The following PRB2 variants were observed in gnomAD, a reference collection of about 807,000 sequenced individuals.
PRB2 encodes the protein basic salivary proline-rich protein 2.
PRB2 carries 12 observed loss-of-function variants against 8.3 expected under a neutral mutation model. The ratio of observed to expected loss-of-function variants is 1.45; its 90% CI spans 0.93 to 2.35. PRB2 has a LOEUF of 2.35. Among genes scored for constraint, PRB2 ranks in the 30% most tolerant of loss-of-function variants. The probability of loss-of-function intolerance (pLI) is 0.00; values close to 1 mark genes in which losing one functional copy is unlikely to be tolerated. For synonymous variants in PRB2, 146 were observed against 180.0 expected, an observed-to-expected ratio of 0.81 and a Z score of 1.51; for missense variants, 470 against 507.0, an observed-to-expected ratio of 0.93 and a Z score of 0.70.
intron 2 of PRB2, 26 bp from the exon 3 acceptor site, chr12:11,394,003 G>C: frequency 1.2e-6 from 2 of 1,613,906 alleles, no homozygotes; most frequent in East Asian, 4.5e-5. Context: ...AGAAGAGAAA[G>C]ACAGAGTAAA....
rs1197455637 is a variant in PRB2 at position 11,392,658 on chromosome 12, T to C, written c.*33+136A>G. ...AGGATCTTGTTACCCATTTCCAGAATATGTCAATACAAATCTTTAGAAATG... is the reference window on the plus strand; with the variant it reads ...AGGATCTTGTTACCCATTTCCAGAACATGTCAATACAAATCTTTAGAAATG... On this transcript the variant is annotated intron_variant, in intron 3 of 3. Coordinates refer to ENST00000389362, the MANE Select transcript of PRB2 (RefSeq NM_006248.4). 8.8e-6 allele frequency: 4 copies of C among 453,536 alleles called. No individual in the cohort carries two copies. In the East Asian group the frequency reaches 1.3e-4, roughly 15 times the overall value. The allele number at this position is 453,536 out of a possible 1,614,324, so 28.1% of individuals were successfully genotyped here.
chr12:11,392,020 C>T (rs1485822935), intron 3 of PRB2, among the ~76,000 whole-genome samples: 8 of 85,560 alleles, frequency 9.4e-5, no homozygotes, highest in African/African-American at 4.4e-4. Context: ...CACGGTGCAG[C>T]CACATAATGG....
rs1426082561 is a variant in PRB2 at position 11,393,681 on chromosome 12, G to T, written c.397C>A (p.Pro133Thr). Residue 133 changes from proline (P) to threonine (T), a missense_variant, in exon 3 of 4, where the codon CCA (proline) becomes ACA (threonine). By Grantham distance (38) the Pro-to-Thr change is conservative (BLOSUM62 -1). This residue lies in a region of PRB2 where 211 missense variants were observed against 207.7 expected (regional missense o/e 1.02). Transcript: ENST00000389362. Reference protein sequence around the residue: ...PQGGNQPQGPPPPPGKPQGPP... With the variant: ...PQGGNQPQGPTPPPGKPQGPP... ...CCTTGTGGCTTTCCTGGAGGAGGTG[G>T]AGGACCTTGAGGCTGGTTGCCTCCT... 1.3e-6 allele frequency: 2 copies of T among 1,586,210 alleles called. No individual in the cohort carries two copies. Among genetic ancestry groups the T allele is most frequent in the Non-Finnish European group, 1.7e-6 (2 of 1,167,226 alleles).
chr12:11,393,129 C>G lies in PRB2; in HGVS notation c.949G>C (p.Gly317Arg), dbSNP rs568468055. 1.9e-6 allele frequency: 3 copies of G among 1,576,538 alleles called. No individual in the cohort carries two copies. Among genetic ancestry groups the G allele is most frequent in the East Asian group, 2.3e-5 (1 of 43,612 alleles). ...GGCTTTCCTGGAGGAGGTGGGGGAC[C>G]TTGAGGCTGGTTGCCTCCTTGTGGG... ...PPPQGGNQPQ[G>R]PPPPPGKPQG... is the part of the protein sequence containing the mutation. The change falls in exon 3 of 4, where the codon GGT becomes CGT. Residue 317 changes from glycine (G) to arginine (R), a missense_variant. Gly to Arg is a moderately radical substitution (Grantham distance 125). Coordinates refer to ENST00000389362, the MANE Select transcript of PRB2 (RefSeq NM_006248.4).
At position 11,392,832 on chromosome 12, in the gene PRB2, G is replaced by A. The variant is rs1864335056; in HGVS notation, c.1246C>T (p.Gln416Ter). 12 of 1,520,082 alleles carry A rather than the reference G, an allele frequency of 7.9e-6. No individual in the cohort carries two copies. The highest frequency in any genetic ancestry group is 1.1e-5 in the Non-Finnish European group (12 of 1,136,418). 94.2% of individuals were successfully genotyped at this position (1,520,082 alleles called of 1,614,324 possible). A position where few individuals can be genotyped will look rare whatever the true frequency, so the allele number is the denominator to read the frequency against. Residue 416 changes from glutamine (Q) to a stop codon, truncating the protein, a stop_gained, in exon 3 of 4, where the codon CAG (glutamine) becomes TAG (stop). Transcript: ENST00000389362. LOFTEE classifies it low-confidence loss of function (END_TRUNC). ...CTAGATGACTGGGGAGGCTGTCACT[G>A]GGGAGGTCTGGAAGGTCTGCCCCCT... is the stretch of plus-strand genomic sequence containing the variant. ...PQGGRPSRPP[Q>*]
In PRB2 at chr12:11,394,167, C is replaced by T. The variant is rs534521231; in HGVS notation, c.101-190G>A. Among the ~76,000 whole-genome samples the T allele has an allele frequency of 1.3e-4, 20 of 152,226 alleles. 1 individual carries two copies. In the South Asian group the frequency reaches 3.9e-3, roughly 30 times the overall value. Reference sequence around the variant, plus strand: ...TCTGGAGTGGAGCGCCAGGGAAGAACAAAGCAGTTGAGGGCCTCTCATTAT... The same window carrying T: ...TCTGGAGTGGAGCGCCAGGGAAGAATAAAGCAGTTGAGGGCCTCTCATTAT... On this transcript the variant is annotated intron_variant, in intron 2 of 3. Transcript: ENST00000389362.
rs781685135 is a variant in PRB2, at chr12:11,393,983, G to A, written c.101-6C>T. On this transcript the variant is annotated splice_polypyrimidine_tract_variant and splice_region_variant and intron_variant, in intron 2 of 3. Coordinates refer to ENST00000389362, the MANE Select transcript of PRB2 (RefSeq NM_006248.4). ...GGGTGCTCCTTGTGGATTTCCTGGA[G>A]AACAAAGAGAGAAGAGAAAGACAGA... 5.0e-6 allele frequency: 8 copies of A among 1,613,924 alleles called. No individual in the cohort carries two copies. The Admixed American group carries it at 5.0e-5, about 10-fold the overall frequency.
At chr12:11,394,135 A>G (rs1864369957) in intron 2 of PRB2, among the ~76,000 whole-genome samples, 158 bp from the exon 3 acceptor site, 1 of 152,216 alleles carries the variant, frequency 6.6e-6, no homozygotes, top group Non-Finnish European at 1.5e-5. Context: ...CAGTGAAGAC[A>G]TAGAACTCTG....
At position 11,393,247 on chromosome 12, in the gene PRB2, G is replaced by C; in HGVS notation, c.831C>G (p.Pro277=). Reference sequence around the variant, plus strand: ...GTCCTTGTGGCTTTCCTGGAGGTGGGGGACCTTGAGGTTTGTTGCCTCCTT... The same window carrying C: ...GTCCTTGTGGCTTTCCTGGAGGTGGCGGACCTTGAGGTTTGTTGCCTCCTT... ...PPQGGNKPQG[P]PPPGKPQGPP... Residue 277 remains proline (P), a synonymous_variant, in exon 3 of 4, where the codon CCC becomes CCG. Transcript: ENST00000389362. 9 of 1,316,508 alleles carry C rather than the reference G, an allele frequency of 6.8e-6. No homozygotes were observed. Among genetic ancestry groups the C allele is most frequent in the Non-Finnish European group, 9.0e-6 (9 of 996,108 alleles). 81.6% of individuals were successfully genotyped at this position (1,316,508 alleles called of 1,614,324 possible).
In PRB2 at chr12:11,393,218, G is replaced by T. The variant is rs749642828; in HGVS notation, c.860C>A (p.Pro287His). ...TCGGGACTTGCTGCCTCCTTGTGGG[G>T]GTGGTCCTTGTGGCTTTCCTGGAGG... ...PPPPGKPQGPPPQGGSKSRSS... is the reference protein window; with the variant it reads ...PPPPGKPQGPHPQGGSKSRSS... The change falls in exon 3 of 4, where the codon CCC (proline) becomes CAC (histidine). Residue 287 changes from proline to histidine, a missense_variant. Around this residue, in one of 4 missense-constraint regions of PRB2, gnomAD observed 205 missense variants for 195.0 expected, o/e 1.05. Transcript: ENST00000389362. The T allele has an allele frequency of 1.3e-6, 2 of 1,565,666 alleles. No individual in the cohort carries two copies. The highest frequency in any genetic ancestry group is 1.8e-5 in the Admixed American group (1 of 56,402).
intron 1 of PRB2, 110 bp from the exon 2 acceptor site, chr12:11,394,640 A>G: frequency 2.2e-6 from 3 of 1,365,898 alleles, no homozygotes; most frequent in Non-Finnish European, 1.0e-6. Flanking sequence ...GCATCCCCTA[A>G]GTTAACTCAT....
Position 11,394,507 on chromosome 12 carries a change from A to G in PRB2, c.88T>C (p.Ser30Pro). Residue 30 changes from serine (S) to proline (P), a missense_variant, in exon 2 of 4, where the codon TCC becomes CCC. By Grantham distance (74) the Ser-to-Pro change is moderately conservative. This residue lies in a region of PRB2 where 211 missense variants were observed against 207.7 expected (regional missense o/e 1.02). Coordinates refer to ENST00000389362, the MANE Select transcript of PRB2 (RefSeq NM_006248.4). ...NEDVSQEESPSLIAGNPQGAP... is the reference protein window; with the variant it reads ...NEDVSQEESPPLIAGNPQGAP... ...AATCGGGATTTACCTGCTATTAGGG[A>G]GGGAGATTCTTCCTGGCTGACATCT... 6.2e-7 allele frequency: 1 copy of G among 1,613,480 alleles called. No homozygotes were observed. The highest frequency in any genetic ancestry group is 8.5e-7 in the Non-Finnish European group (1 of 1,179,398).
At position 11,393,657 on chromosome 12, in the gene PRB2, C is replaced by T. The variant is rs1463765500; in HGVS notation, c.421G>A (p.Gly141Arg). 18 of 1,554,196 alleles carry T rather than the reference C, an allele frequency of 1.2e-5. No homozygotes were observed. The highest frequency in any genetic ancestry group is 1.8e-5 in the Admixed American group (1 of 54,454). The change falls in exon 3 of 4, where the codon GGA (glycine) becomes AGA (arginine). Residue 141 changes from glycine (G) to arginine (R), a missense_variant. Coordinates refer to ENST00000389362, the MANE Select transcript of PRB2 (RefSeq NM_006248.4). Reference protein sequence around the residue: ...GPPPPPGKPQGPPPQGGNKPQ... With the variant: ...GPPPPPGKPQRPPPQGGNKPQ... ...TTGTTGCCTCCTTGTGGGGGTGGTC[C>T]TTGTGGCTTTCCTGGAGGAGGTGGA...
chr12:11,391,795 T>G (rs1406769629), intron 3 of PRB2, 147 bp from the exon 4 acceptor site: 1 of 224,098 alleles, frequency 4.5e-6, no homozygotes, highest in South Asian at 5.4e-5. Context: ...CCTCCCTAAT[T>G]TTTTGTGTGT....
intron 2 of PRB2, 120 bp from the exon 3 acceptor site, chr12:11,394,097 A>T (rs530598550): frequency 7.5e-7 from 1 of 1,332,856 alleles, no homozygotes; most frequent in Admixed American, 2.0e-5. Flanking sequence ...CACAAAAATG[A>T]GACCAAGACA....
chr12:11,393,837 G>T lies in PRB2; in HGVS notation c.241C>A (p.Pro81Thr). Residue 81 changes from proline (P) to threonine (T), a missense_variant, in exon 3 of 4, where the codon CCA becomes ACA. Physicochemically the swap from Pro to Thr is conservative, Grantham distance 38 (BLOSUM62 -1). Coordinates refer to ENST00000389362, the MANE Select transcript of PRB2 (RefSeq NM_006248.4). ...GGTTTGTTGCCTCCTTGTGGGGGTG[G>T]TCCTTGTGGCTTTCCTGGAGGAGGT... is the stretch of plus-strand genomic sequence containing the variant. The part of the protein sequence containing the change: ...PPPPPGKPQG[P>T]PPQGGNKPQG... 1.3e-6 allele frequency: 2 copies of T among 1,503,130 alleles called. No homozygotes were observed. Among genetic ancestry groups the T allele is most frequent in the East Asian group, 5.4e-5 (2 of 37,254 alleles). The allele number at this position is 1,503,130 out of a possible 1,614,324, so 93.1% of individuals were successfully genotyped here.
intron 1 of PRB2, among the ~76,000 whole-genome samples, chr12:11,395,182 C>A (rs552200315): frequency 0.012 from 1,846 of 152,130 alleles, 37 homozygotes; most frequent in African/African-American, 0.042. Context: ...TTCCATGAAT[C>A]TGCCTTGCAT....
chr12:11,394,641 G>A, intron 1 of PRB2, 111 bp from the exon 2 acceptor site: 2 of 1,361,300 alleles, frequency 1.5e-6, no homozygotes, highest in Non-Finnish European at 2.1e-6. Flanking sequence ...CATCCCCTAA[G>A]TTAACTCATC....
Position 11,393,011 on chromosome 12 carries a change from G to T in PRB2, c.1067C>A (p.Ser356Tyr), listed in dbSNP as rs754238337. The T allele has an allele frequency of 5.0e-6, 8 of 1,612,456 alleles. No homozygotes were observed. Among genetic ancestry groups the T allele is most frequent in the African/African-American group, 2.7e-5 (2 of 74,376 alleles). The change falls in exon 3 of 4, where the codon TCC becomes TAC. Residue 356 changes from serine to tyrosine, a missense_variant. Physicochemically the swap from Ser to Tyr is moderately radical, Grantham distance 144. Transcript: ENST00000389362. Reference sequence around the variant, plus strand: ...TCCTGGAGGAGATCGGGCACTTCGGGACTTGCTGCCTCCTTGTGGGGGTGG... The same window carrying T: ...TCCTGGAGGAGATCGGGCACTTCGGTACTTGCTGCCTCCTTGTGGGGGTGG... ...QGPPPQGGSK[S>Y]RSARSPPGKP...
Sources: allele counts gnomAD v4.1 joint callset (sites outside exome capture counted in the v4.1 genomes callset), GRCh38; gene constraint gnomAD v4.1.1; regional missense constraint gnomAD v4.1.1; transcripts MANE v1.5; gene names NCBI Gene and HGNC (gene_info 2026-07-23, HGNC 2026-07-21).